Variants in SDC1 observed in about 807,000 individuals in gnomAD.
SDC1 encodes syndecan 1, also known as syndecan-1.
In SDC1, 14 loss-of-function variants were observed where a neutral mutation model predicts 29.7. That is an observed-to-expected ratio of 0.47 (90% CI 0.31 to 0.74). SDC1 has a LOEUF of 0.74. Among genes scored for constraint, SDC1 ranks in the 30% least tolerant of loss-of-function variants. The probability of loss-of-function intolerance (pLI) is 0.05; values close to 1 mark genes in which losing one functional copy is unlikely to be tolerated. For missense variants in SDC1, 406 were observed against 400.3 expected (o/e 1.01, Z -0.12); for synonymous variants, 204 against 175.5 (o/e 1.16, Z -1.29).
At chr2:20,222,397 G>A (rs1677851658) in intron 1 of SDC1, among the ~76,000 whole-genome samples, 2 of 152,184 alleles carry the variant, frequency 1.3e-5, no homozygotes, top group African/African-American at 2.4e-5. Flanking sequence ...GGCAGTGCAT[G>A]CCCCCACCTT....
chr2:20,207,953 A>G, intron 1 of SDC1: 3 of 985,358 alleles, frequency 3.0e-6, no homozygotes, highest in Non-Finnish European at 3.6e-6. Context: ...CTCTCATCCA[A>G]GGACTCTGCC....
chr2:20,216,965 G>A (rs1677645739), intron 1 of SDC1, among the ~76,000 whole-genome samples: 1 of 152,088 alleles, frequency 6.6e-6, no homozygotes, highest in African/African-American at 2.4e-5. Context: ...CGCCACCGTG[G>A]GGAAGAGTTC....
rs1335763406 is a variant in SDC1 at position 20,210,509 on chromosome 2, G to A, written c.67-5085C>T. Reference sequence around the variant, plus strand: ...CCAACTCAGGAGAGGATAAGACAACGCTCACCCCAGGCACTAACTTGGGCA... The same window carrying A: ...CCAACTCAGGAGAGGATAAGACAACACTCACCCCAGGCACTAACTTGGGCA... On this transcript the variant is annotated intron_variant, in intron 1 of 4. Coordinates refer to ENST00000254351, the MANE Select transcript of SDC1 (RefSeq NM_002997.5). Among the ~76,000 whole-genome samples, 5 of 152,300 alleles carry A rather than the reference G, an allele frequency of 3.3e-5. No individual in the cohort carries two copies. In the East Asian group the frequency reaches 5.8e-4, roughly 18 times the overall value.
chr2:20,218,358 G>A (rs1291762949), intron 1 of SDC1, among the ~76,000 whole-genome samples: 1 of 152,232 alleles, frequency 6.6e-6, no homozygotes, highest in Non-Finnish European at 1.5e-5. Flanking sequence ...CAGCAGAGGT[G>A]GGAGGCAGAA....
chr2:20,208,161 C>T (rs1341091764), intron 1 of SDC1: 3 of 979,004 alleles, frequency 3.1e-6, no homozygotes, highest in Admixed American at 1.2e-4. Flanking sequence ...GACACACACA[C>T]TGGGGCCCAT....
chr2:20,206,965 A>G (rs1464532121), intron 1 of SDC1, among the ~76,000 whole-genome samples: 6 of 152,246 alleles, frequency 3.9e-5, no homozygotes, highest in African/African-American at 1.4e-4. Context: ...GGGGGCAGGA[A>G]GAAGTCTGTT....
At position 20,224,261 on chromosome 2, in the gene SDC1, G is replaced by A. The variant is rs901602253; in HGVS notation, c.66+541C>T. Reference sequence around the variant, plus strand: ...CGCGCCCCCCACGCAGCCCTGGCCCGGCTCCCCGGGCCAACGCGGCCGCCT... The same window carrying A: ...CGCGCCCCCCACGCAGCCCTGGCCCAGCTCCCCGGGCCAACGCGGCCGCCT... On this transcript the variant is annotated intron_variant, in intron 1 of 4. Coordinates refer to ENST00000254351, the MANE Select transcript of SDC1 (RefSeq NM_002997.5). This position sits in a 1 kb window ranked among gnomAD's most constrained non-coding sequence, Gnocchi z 4.9. 4.1e-6 allele frequency: 1 copy of A among 241,832 alleles called. No individual in the cohort carries two copies. The highest frequency in any genetic ancestry group is 8.3e-6 in the Non-Finnish European group (1 of 120,626). The allele number at this position is 241,832 out of a possible 1,614,324, so 15.0% of individuals were successfully genotyped here.
intron 1 of SDC1, among the ~76,000 whole-genome samples, chr2:20,207,752 C>T (rs966052295): frequency 4.0e-5 from 6 of 151,898 alleles, no homozygotes; most frequent in South Asian, 2.1e-4. Flanking sequence ...ATGCTCCCCC[C>T]GCCTCCACAC....
rs762348014 is a variant in SDC1, at chr2:20,203,068, C to G, written c.763+19G>C. Reference sequence around the variant, plus strand: ...CAGCAGCAATTCACCCCAAACTACCCCCCTGAAAGAAAACTCACCTCCCAG... The same window carrying G: ...CAGCAGCAATTCACCCCAAACTACCGCCCTGAAAGAAAACTCACCTCCCAG... On this transcript the variant is annotated intron_variant, in intron 4 of 4. Coordinates refer to ENST00000254351, the MANE Select transcript of SDC1 (RefSeq NM_002997.5). 1.3e-6 allele frequency: 2 copies of G among 1,587,452 alleles called. No individual in the cohort carries two copies. Among genetic ancestry groups the G allele is most frequent in the South Asian group, 2.2e-5 (2 of 89,122 alleles).
intron 1 of SDC1, among the ~76,000 whole-genome samples, chr2:20,212,344 G>C (rs1245824069): frequency 6.6e-6 from 1 of 152,250 alleles, no homozygotes; most frequent in South Asian, 2.1e-4. Context: ...TGGCCAAAAT[G>C]GTGGGACTCG....
chr2:20,202,680 G>GGGA lies in SDC1; in HGVS notation c.*83_*85dup. 7.5e-7 allele frequency: 1 copy of GGGA among 1,339,884 alleles called. No homozygotes were observed. Among genetic ancestry groups the GGGA allele is most frequent in the East Asian group, 2.3e-5 (1 of 42,646 alleles). The allele number at this position is 1,339,884 out of a possible 1,614,324, so 83.0% of individuals were successfully genotyped here. A position where few individuals can be genotyped will look rare whatever the true frequency, so the allele number is the denominator to read the frequency against. ...TGCTGGGGAGGTGGCCTGGTGGCAG[G>GGGA]GGAGGCCAGGGCCTGCAGTTCTTCA... On this transcript the variant is annotated 3_prime_UTR_variant, in exon 5 of 5. Coordinates refer to ENST00000254351, the MANE Select transcript of SDC1 (RefSeq NM_002997.5).
rs1230674001 is a variant in SDC1 at position 20,203,747 on chromosome 2, G to A, written c.627+66C>T. 7.6e-6 allele frequency: 9 copies of A among 1,187,760 alleles called. No homozygotes were observed. In the East Asian group the frequency reaches 2.1e-4, roughly 28 times the overall value. 73.6% of individuals were successfully genotyped at this position (1,187,760 alleles called of 1,614,324 possible). A position where few individuals can be genotyped will look rare whatever the true frequency, so the allele number is the denominator to read the frequency against. Reference sequence around the variant, plus strand: ...GATGCCCGCAGGGCACAGGTGTAGGGCCTGCCAAGTGCCAGGCATTAGGAC... The same window carrying A: ...GATGCCCGCAGGGCACAGGTGTAGGACCTGCCAAGTGCCAGGCATTAGGAC... On this transcript the variant is annotated intron_variant, in intron 3 of 4. Coordinates refer to ENST00000254351, the MANE Select transcript of SDC1 (RefSeq NM_002997.5).
intron 1 of SDC1, among the ~76,000 whole-genome samples, chr2:20,221,918 C>G (rs943764945): frequency 6.6e-6 from 1 of 152,210 alleles, no homozygotes; most frequent in South Asian, 2.1e-4. Context: ...TGCCTCCCCC[C>G]ATACCCTCTC....
chr2:20,209,759 T>C (rs1469620901), intron 1 of SDC1, among the ~76,000 whole-genome samples: 1 of 152,214 alleles, frequency 6.6e-6, no homozygotes, highest in Non-Finnish European at 1.5e-5. Context: ...CAGAGCCCCT[T>C]GTCCTGGCCA....
At chr2:20,214,137 A>C (rs577379985) in intron 1 of SDC1, among the ~76,000 whole-genome samples, 1 of 152,322 alleles carries the variant, frequency 6.6e-6, no homozygotes, top group African/African-American at 2.4e-5. Flanking sequence ...GTCAAGGGCA[A>C]AGTTTTTAAC....
At chr2:20,217,285 C>G (rs1347241545) in intron 1 of SDC1, among the ~76,000 whole-genome samples, 1 of 152,222 alleles carries the variant, frequency 6.6e-6, no homozygotes, top group African/African-American at 2.4e-5. Flanking sequence ...GCCACCCTCT[C>G]TTACAGGAAT....
chr2:20,203,155 T>G lies in SDC1; in HGVS notation c.695A>C (p.Gln232Pro). 1 of 1,613,248 alleles carries G rather than the reference T, an allele frequency of 6.2e-7. No individual in the cohort carries two copies. The highest frequency in any genetic ancestry group is 8.5e-7 in the Non-Finnish European group (1 of 1,179,654). ...CGTGGCCCCCTGATCCACTGGGGAC[T>G]GGTTCCGGCGGTCAGGCTCCACGGC... ...VVAVEPDRRN[Q>P]SPVDQGATGA... The change falls in exon 4 of 5, where the codon CAG (glutamine) becomes CCG (proline). Residue 232 changes from glutamine to proline, a missense_variant. By Grantham distance (76) the Gln-to-Pro change is moderately conservative (BLOSUM62 -1). Transcript: ENST00000254351.
chr2:20,224,793 C>G lies in SDC1; in HGVS notation c.66+9G>C, dbSNP rs1451216687. 1 of 1,306,468 alleles carries G rather than the reference C, an allele frequency of 7.7e-7. No homozygotes were observed. Among genetic ancestry groups the G allele is most frequent in the Non-Finnish European group, 9.7e-7 (1 of 1,027,114 alleles). The allele number at this position is 1,306,468 out of a possible 1,614,324, so 80.9% of individuals were successfully genotyped here. On this transcript the variant is annotated intron_variant, in intron 1 of 4. Transcript: ENST00000254351. This position sits in a 1 kb window ranked among gnomAD's most constrained non-coding sequence, Gnocchi z 4.9. ...GCCGCCTCCCCGCCTGGCCGCCGGC[C>G]GCACTCACCGGCAGGGCCGGCTGCA... is the stretch of plus-strand genomic sequence containing the variant.
chr2:20,202,631 C>T lies in SDC1; in HGVS notation c.*135G>A. On this transcript the variant is annotated 3_prime_UTR_variant, in exon 5 of 5. Coordinates refer to ENST00000254351, the MANE Select transcript of SDC1 (RefSeq NM_002997.5). ...CCAGCACACCCCACGACTCCGTGGGCAGGAGCGACCAGAGGGGCTGGAATG... is the reference window on the plus strand; with the variant it reads ...CCAGCACACCCCACGACTCCGTGGGTAGGAGCGACCAGAGGGGCTGGAATG... The T allele has an allele frequency of 2.3e-6, 2 of 853,098 alleles. No individual in the cohort carries two copies. The highest frequency in any genetic ancestry group is 3.7e-6 in the Non-Finnish European group (2 of 540,048). 52.8% of individuals were successfully genotyped at this position (853,098 alleles called of 1,614,324 possible).
Sources: allele counts gnomAD v4.1 joint callset (sites outside exome capture counted in the v4.1 genomes callset), GRCh38; gene constraint gnomAD v4.1.1; non-coding constraint Gnocchi (gnomAD v3.1); transcripts MANE v1.5; gene names NCBI Gene and HGNC (gene_info 2026-07-23, HGNC 2026-07-21).